Variants in ATG7 observed in about 807,000 individuals in gnomAD.
The protein encoded by ATG7 is autophagy related 7, also known as ubiquitin-like modifier-activating enzyme ATG7.
ATG7 carries 70 observed loss-of-function variants against 82.4 expected under a neutral mutation model. The ratio of observed to expected loss-of-function variants is 0.85; its 90% CI spans 0.70 to 1.04. The LOEUF (loss-of-function observed/expected upper bound fraction) is 1.04, where lower values mean the gene tolerates loss of function less well. Ranked by LOEUF, ATG7 falls within the 50% of genes least tolerant of loss-of-function variation. The pLI is 0.00. For missense variants in ATG7, 792 were observed against 864.3 expected (o/e 0.92, Z 1.05); for synonymous variants, 287 against 313.0 (o/e 0.92, Z 0.88).
chr3:11,379,861 C>T, intron 18 of ATG7, 111 bp from the exon 19 acceptor site: 1 of 1,037,442 alleles, frequency 9.6e-7, no homozygotes. Context: ...TAATCTCTTT[C>T]CGGGCCGCCA....
intron 10 of ATG7, 115 bp downstream of exon 10, chr3:11,331,543 G>T: frequency 1.1e-6 from 1 of 936,862 alleles, no homozygotes; most frequent in Non-Finnish European, 1.7e-6. Flanking sequence ...TTTTCATTTT[G>T]GGCATGGAAA....
At chr3:11,566,158 A>G in the ATG7 span, among the ~76,000 whole-genome samples, 4 of 152,180 alleles carry the variant, frequency 2.6e-5, no homozygotes, top group African/African-American at 9.7e-5. Context: ...ACACACAATG[A>G]ATGTTACACA....
At chr3:11,543,821 G>C (rs2071039079) in intron 20 of ATG7, among the ~76,000 whole-genome samples, 1 of 152,228 alleles carries the variant, frequency 6.6e-6, no homozygotes, top group African/African-American at 2.4e-5. Flanking sequence ...AGAATTGCTT[G>C]AACCGCGGAC....
chr3:11,572,616 C>T, the ATG7 span, among the ~76,000 whole-genome samples: 33 of 152,280 alleles, frequency 2.2e-4, no homozygotes, highest in African/African-American at 7.0e-4. Flanking sequence ...CCTCTTGCCA[C>T]ACGTGGATGT....
At chr3:11,409,327 T>C (rs1194069609) in intron 19 of ATG7, among the ~76,000 whole-genome samples, 2 of 152,212 alleles carry the variant, frequency 1.3e-5, no homozygotes, top group African/African-American at 2.4e-5. Context: ...TGAGATGCCA[T>C]GCAGTGGCAG....
At chr3:11,375,110 G>A (rs1441248547) in intron 18 of ATG7, among the ~76,000 whole-genome samples, 1 of 151,660 alleles carries the variant, frequency 6.6e-6, no homozygotes, top group Non-Finnish European at 1.5e-5. Flanking sequence ...AGCTACTGGA[G>A]AGGCTGAGGA....
At chr3:11,310,806 G>A (rs943218045) in intron 7 of ATG7, among the ~76,000 whole-genome samples, 1 of 151,908 alleles carries the variant, frequency 6.6e-6, no homozygotes, top group Non-Finnish European at 1.5e-5. Flanking sequence ...CTAATTTTTT[G>A]TATTTTTAGT....
intron 5 of ATG7, among the ~76,000 whole-genome samples, chr3:11,302,163 C>T (rs1412675385): frequency 2.0e-5 from 3 of 152,162 alleles, no homozygotes; most frequent in East Asian, 1.9e-4. Flanking sequence ...GCCCTGGATT[C>T]GAAGTTTGAA....
intron 20 of ATG7, among the ~76,000 whole-genome samples, chr3:11,441,275 A>G (rs2083926575): frequency 6.6e-6 from 1 of 151,866 alleles, no homozygotes; most frequent in Non-Finnish European, 1.5e-5. Flanking sequence ...ATGGAGTCTC[A>G]CTCTGTTGCC....
At chr3:11,564,749 C>T in the ATG7 span, 3 of 1,510,966 alleles carry the variant, frequency 2.0e-6, no homozygotes, top group South Asian at 1.2e-5. Context: ...CCAGCCCAGT[C>T]CCCCAGCCCC....
At chr3:11,489,848 G>A (rs953477805) in intron 20 of ATG7, among the ~76,000 whole-genome samples, 6 of 152,088 alleles carry the variant, frequency 3.9e-5, no homozygotes, top group African/African-American at 1.4e-4. Context: ...GAGACAGTTT[G>A]TTATAATTTC....
intron 20 of ATG7, among the ~76,000 whole-genome samples, chr3:11,431,587 ATCT>A (rs1015667420): frequency 5.9e-5 from 9 of 152,058 alleles, no homozygotes; most frequent in South Asian, 2.1e-4. Flanking sequence ...GCAACCACTA[ATCT>A]TCTTTCTGTC....
intron 3 of ATG7, among the ~76,000 whole-genome samples, chr3:11,295,867 A>G (rs1444793040): frequency 6.7e-6 from 1 of 150,324 alleles, no homozygotes; most frequent in Non-Finnish European, 1.5e-5. Context: ...GTTCACTGCA[A>G]CCTCTGTCTC....
At chr3:11,499,309 C>T (rs77286909) in intron 20 of ATG7, among the ~76,000 whole-genome samples, 3 of 152,154 alleles carry the variant, frequency 2.0e-5, no homozygotes, top group East Asian at 3.9e-4. Flanking sequence ...TCTTATGAAA[C>T]GACTGCCAAA....
rs2089996499 is a variant in ATG7, at chr3:11,488,504, C to T, written c.2079+61578C>T. On this transcript the variant is annotated intron_variant, in intron 20 of 20. Coordinates refer to ENST00000693202, the MANE Select transcript of ATG7 (RefSeq NM_001349232.2). ...CAGCTGGGGCCCGCGGGTGTCAGCG[C>T]CGCGACTGTCCCGGCTCCGCACTGC... The T allele has an allele frequency of 6.5e-6, 8 of 1,235,784 alleles. No individual in the cohort carries two copies. The East Asian group carries it at 2.8e-4, about 43-fold the overall frequency. 76.6% of individuals were successfully genotyped at this position (1,235,784 alleles called of 1,614,324 possible).
intron 18 of ATG7, among the ~76,000 whole-genome samples, chr3:11,366,852 A>G (rs2076646206): frequency 6.6e-6 from 1 of 151,950 alleles, no homozygotes; most frequent in African/African-American, 2.4e-5. Flanking sequence ...GTCATTCACC[A>G]ACTCTTCTAG....
chr3:11,366,658 CTTCT>C (rs1487085606), intron 18 of ATG7, among the ~76,000 whole-genome samples: 1 of 152,158 alleles, frequency 6.6e-6, no homozygotes, highest in African/African-American at 2.4e-5. Flanking sequence ...CACTGGTTTC[CTTCT>C]TTAAGTCCTT....
At position 11,411,619 on chromosome 3, in the gene ATG7, CAAAAAAAAAA is replaced by C. The variant is rs71055868; in HGVS notation, c.1957-15165_1957-15156del. Among the ~76,000 whole-genome samples the C allele has an allele frequency of 8.6e-3, 616 of 71,768 alleles. 14 individuals are homozygous for C. Among genetic ancestry groups the C allele is most frequent in the African/African-American group, 0.024 (526 of 21,806 alleles). 47.1% of individuals were successfully genotyped at this position (71,768 alleles called of 152,430 possible). A position where few individuals can be genotyped will look rare whatever the true frequency, so the allele number is the denominator to read the frequency against. ...TGGTGACACAGCAAGACTCTGTCTC[CAAAAAAAAAA>C]AAAAAAAAAAAAAAAAAAATTCTTA... On this transcript the variant is annotated intron_variant, in intron 19 of 20. Coordinates refer to ENST00000693202, the MANE Select transcript of ATG7 (RefSeq NM_001349232.2).
intron 20 of ATG7, among the ~76,000 whole-genome samples, chr3:11,454,396 C>G (rs2085494872): frequency 1.3e-5 from 2 of 152,154 alleles, no homozygotes; most frequent in South Asian, 4.1e-4. Flanking sequence ...GAAACTTTGG[C>G]TAAGAGGCTG....
Sources: allele counts gnomAD v4.1 joint callset (sites outside exome capture counted in the v4.1 genomes callset), GRCh38; gene constraint gnomAD v4.1.1; transcripts MANE v1.5; gene names NCBI Gene and HGNC (gene_info 2026-07-23, HGNC 2026-07-21).